MTURN: variants seen among roughly 807,000 people sequenced by gnomAD.
MTURN encodes the protein maturin.
In MTURN, 7 loss-of-function variants were observed where a neutral mutation model predicts 14.9. That is an observed-to-expected ratio of 0.47 (90% CI 0.27 to 0.88). The LOEUF (loss-of-function observed/expected upper bound fraction) is 0.88, where lower values mean the gene tolerates loss of function less well. Among genes scored for constraint, MTURN ranks in the 40% least tolerant of loss-of-function variants. The probability of loss-of-function intolerance (pLI) is 0.14; values close to 1 mark genes in which losing one functional copy is unlikely to be tolerated. For missense variants in MTURN, 151 were observed against 174.1 expected (o/e 0.87, Z 0.75); for synonymous variants, 69 against 72.5 (o/e 0.95, Z 0.25).
chr7:30,137,717 T>C (rs1040583522), intron 1 of MTURN: 1 of 470,838 alleles, frequency 2.1e-6, no homozygotes, highest in Non-Finnish European at 4.4e-6. Context: ...ACTGTTTGCC[T>C]CTAATAAGTG....
chr7:30,148,034 C>T (rs1385643248), intron 2 of MTURN, among the ~76,000 whole-genome samples: 3 of 152,156 alleles, frequency 2.0e-5, no homozygotes, highest in African/African-American at 7.2e-5. Context: ...AGCCTGTGCT[C>T]CAGTGGGGGG....
Position 30,157,542 on chromosome 7 carries a change from G to T in MTURN, c.390G>T (p.Gln130His). The T allele has an allele frequency of 6.3e-7, 1 of 1,598,614 alleles. No individual in the cohort carries two copies. The highest frequency in any genetic ancestry group is 2.3e-5 in the East Asian group (1 of 43,378). Residue 130 changes from glutamine (Q) to histidine (H), a missense_variant, in exon 3 of 3, where the codon CAG (glutamine) becomes CAT (histidine). Physicochemically the swap from Gln to His is conservative, Grantham distance 24 (BLOSUM62 0). Coordinates refer to ENST00000324453, the MANE Select transcript of MTURN (RefSeq NM_152793.3). ...EADHPQMGVS[Q>H]Q The stretch of plus-strand genomic sequence containing the variant: ...ACCACCCCCAGATGGGGGTCAGCCA[G>T]CAGTAAATCTGGGGGCTCCCCTGAG...
rs560157454 is a variant in MTURN at position 30,160,059 on chromosome 7, G to C, written c.*2511G>C. The stretch of plus-strand genomic sequence containing the variant: ...AGTTCAAGTCGGCCAAGGACTGTGT[G>C]ACCTTGACAAGTCTAACTGGTCTGT... On this transcript the variant is annotated 3_prime_UTR_variant, in exon 3 of 3. Coordinates refer to ENST00000324453, the MANE Select transcript of MTURN (RefSeq NM_152793.3). 1 of 152,420 alleles carries C rather than the reference G, an allele frequency of 6.6e-6. No individual in the cohort carries two copies. The highest frequency in any genetic ancestry group is 1.9e-4 in the East Asian group (1 of 5,194). 9.4% of individuals were successfully genotyped at this position (152,420 alleles called of 1,614,324 possible).
At chr7:30,137,188 A>G (rs1041421987) in intron 1 of MTURN, 5 of 159,368 alleles carry the variant, frequency 3.1e-5, no homozygotes, top group South Asian at 3.5e-4. Flanking sequence ...GGGTTTGGCT[A>G]GGGTCCCTTC....
chr7:30,153,143 A>G (rs1380000685), intron 2 of MTURN, among the ~76,000 whole-genome samples: 15 of 152,292 alleles, frequency 9.8e-5, no homozygotes, highest in Admixed American at 2.0e-4. Context: ...AGTAAAAGCC[A>G]GGGCTCCAGA....
chr7:30,158,193 C>G lies in MTURN; in HGVS notation c.*645C>G, dbSNP rs1000157190. On this transcript the variant is annotated 3_prime_UTR_variant, in exon 3 of 3. Coordinates refer to ENST00000324453, the MANE Select transcript of MTURN (RefSeq NM_152793.3). ...GGTTCGTGGTTAGGTGTAAATGTTA[C>G]TTGCTTGTTCGACTGTTTCAAAACA... The G allele has an allele frequency of 1.3e-5, 2 of 152,256 alleles. No individual in the cohort carries two copies. Among genetic ancestry groups the G allele is most frequent in the Admixed American group, 1.3e-4 (2 of 15,280 alleles). The allele number at this position is 152,256 out of a possible 1,614,324, so 9.4% of individuals were successfully genotyped here.
At chr7:30,137,600 A>G in intron 1 of MTURN, 1 of 471,194 alleles carries the variant, frequency 2.1e-6, no homozygotes, top group South Asian at 1.5e-5. Flanking sequence ...CCTTGGGTAG[A>G]ATGGAACTTT....
At chr7:30,137,227 G>A (rs1796977718) in intron 1 of MTURN, 2 of 162,760 alleles carry the variant, frequency 1.2e-5, no homozygotes, top group African/African-American at 2.4e-5. Flanking sequence ...ATCTGCCAGC[G>A]CCCTTTCTCC....
chr7:30,137,719 T>A (rs1306807195), intron 1 of MTURN: 6 of 470,612 alleles, frequency 1.3e-5, no homozygotes, highest in African/African-American at 4.0e-5. Context: ...TGTTTGCCTC[T>A]AATAAGTGTC....
chr7:30,143,717 T>C (rs1238079630), intron 1 of MTURN, among the ~76,000 whole-genome samples: 1 of 152,194 alleles, frequency 6.6e-6, no homozygotes, highest in African/African-American at 2.4e-5. Context: ...CTTCAACATA[T>C]AGTCCTAAAT....
At chr7:30,152,194 TTC>T (rs1797222436) in intron 2 of MTURN, among the ~76,000 whole-genome samples, 1 of 150,822 alleles carries the variant, frequency 6.6e-6, no homozygotes. Flanking sequence ...ATTCAAACCA[TTC>T]TCTTTTTTAG....
At chr7:30,145,093 T>C (rs1797110147) in intron 1 of MTURN, among the ~76,000 whole-genome samples, 1 of 152,174 alleles carries the variant, frequency 6.6e-6, no homozygotes, top group Non-Finnish European at 1.5e-5. Flanking sequence ...TTAAGAATGC[T>C]CAAACCTATT....
intron 2 of MTURN, among the ~76,000 whole-genome samples, chr7:30,151,696 C>T (rs1399083725): frequency 6.6e-6 from 1 of 152,172 alleles, no homozygotes; most frequent in East Asian, 1.9e-4. Context: ...TCCCCTATTG[C>T]TCTTGCAGTT....
intron 2 of MTURN, among the ~76,000 whole-genome samples, chr7:30,149,186 C>T (rs1797172038): frequency 6.6e-6 from 1 of 152,236 alleles, no homozygotes; most frequent in African/African-American, 2.4e-5. Context: ...TCCGGATGTG[C>T]AGCTGAAAGC....
rs1240125913 is a variant in MTURN, at chr7:30,159,608, A to G, written c.*2060A>G. On this transcript the variant is annotated 3_prime_UTR_variant, in exon 3 of 3. Coordinates refer to ENST00000324453, the MANE Select transcript of MTURN (RefSeq NM_152793.3). ...CTCTGTTTATAAAAATTGAGTGGAGATAGATAGACTCGGCCATTCTGTGGG... is the reference window on the plus strand; with the variant it reads ...CTCTGTTTATAAAAATTGAGTGGAGGTAGATAGACTCGGCCATTCTGTGGG... 1.3e-5 allele frequency: 2 copies of G among 152,626 alleles called. No homozygotes were observed. The highest frequency in any genetic ancestry group is 1.9e-4 in the East Asian group (1 of 5,202). The allele number at this position is 152,626 out of a possible 1,614,324, so 9.5% of individuals were successfully genotyped here.
chr7:30,149,802 T>C (rs754968420), intron 2 of MTURN, among the ~76,000 whole-genome samples: 1 of 152,208 alleles, frequency 6.6e-6, no homozygotes, highest in Non-Finnish European at 1.5e-5. Context: ...ATCTGATCAA[T>C]CCATGCAGCT....
At chr7:30,152,172 C>T (rs10255480) in intron 2 of MTURN, among the ~76,000 whole-genome samples, 38,266 of 148,696 alleles carry the variant, frequency 0.26, 5,019 homozygotes, top group Middle Eastern at 0.34. Flanking sequence ...TTTTCTCATT[C>T]ATGTTATGAA....
At chr7:30,150,952 A>G (rs1418542901) in intron 2 of MTURN, among the ~76,000 whole-genome samples, 2 of 152,178 alleles carry the variant, frequency 1.3e-5, no homozygotes, top group Non-Finnish European at 2.9e-5. Flanking sequence ...TTCATGGGGA[A>G]CTTTGAAGTC....
At chr7:30,140,687 A>G (rs1425677666) in intron 1 of MTURN, among the ~76,000 whole-genome samples, 1 of 152,146 alleles carries the variant, frequency 6.6e-6, no homozygotes, top group African/African-American at 2.4e-5. Context: ...ACATAAGGCC[A>G]TTCCACATTG....
Sources: gnomAD v4.1 joint callset for allele counts (sites outside exome capture counted in the v4.1 genomes callset) on GRCh38, gnomAD v4.1.1 for gene constraint, MANE v1.5 for transcripts, NCBI Gene and HGNC (gene_info 2026-07-23, HGNC 2026-07-21) for gene names.